ADAM8: variants seen among roughly 807,000 people sequenced by gnomAD.
The protein encoded by ADAM8 is ADAM metallopeptidase domain 8, also known as disintegrin and metalloproteinase domain-containing protein 8.
Under a neutral mutation model 102.4 loss-of-function variants are expected in ADAM8, and 104 were observed. That is an observed-to-expected ratio of 1.02 (90% CI 0.87 to 1.20). The LOEUF is 1.20. Ranked by LOEUF, ADAM8 falls within the 50% of genes most tolerant of loss-of-function variation. The pLI, the probability that ADAM8 is intolerant of heterozygous loss-of-function variation, is 0.00. For missense variants in ADAM8, 1,132 were observed against 1,159.0 expected (o/e 0.98, Z 0.34); for synonymous variants, 517 against 485.2 (o/e 1.07, Z -0.86).
intron 6 of ADAM8, 73 bp from the exon 7 acceptor site, chr10:133,273,092 GCCACTGTCCAGC>G: frequency 6.2e-7 from 1 of 1,606,924 alleles, no homozygotes; most frequent in Non-Finnish European, 8.5e-7. Flanking sequence ...GGGACCCGGG[GCCACTGTCCAGC>G]CCCTGTCCAG....
chr10:133,274,197 G>A lies in ADAM8; in HGVS notation c.189C>T (p.Ala63=), dbSNP rs1374643822. The A allele has an allele frequency of 3.8e-6, 6 of 1,588,024 alleles. No homozygotes were observed. The Admixed American group carries it at 5.2e-5, about 14-fold the overall frequency. ...HPERVSYVLG[A]TGHNFTLHLR... ...GGTGGAGGGTGAAGTTGTGCCCTGT[G>A]GCCCCAAGGACGTAGCTCACCCTCT... The change falls in exon 3 of 23, where the codon GCC becomes GCT. Residue 63 remains alanine, a synonymous_variant. Coordinates refer to ENST00000445355, the MANE Select transcript of ADAM8 (RefSeq NM_001109.5).
chr10:133,271,498 G>A, intron 12 of ADAM8, 30 bp downstream of exon 12: 1 of 1,530,214 alleles, frequency 6.5e-7, no homozygotes, highest in Non-Finnish European at 8.8e-7. Context: ...ACCCAGTGCT[G>A]ACGGGAGCAG....
In ADAM8 at chr10:133,272,189, T is replaced by C. The variant is rs1846553016; in HGVS notation, c.957+4A>G. ...CTGGCAAACCCGGGCAGGAGCCCCC[T>C]CACCTGGTTCACAGCCCCTGAGCTG... On this transcript the variant is annotated splice_donor_region_variant and intron_variant, in intron 10 of 22. Transcript: ENST00000445355. 6.5e-7 allele frequency: 1 copy of C among 1,549,706 alleles called. No individual in the cohort carries two copies. Among genetic ancestry groups the C allele is most frequent in the Non-Finnish European group, 8.7e-7 (1 of 1,146,656 alleles).
At chr10:133,265,513 C>T (rs371301077) in intron 21 of ADAM8, among the ~76,000 whole-genome samples, 2 of 151,994 alleles carry the variant, frequency 1.3e-5, no homozygotes, top group Non-Finnish European at 1.5e-5. Flanking sequence ...CTATTAGGGC[C>T]GGGCATGGTG....
At position 133,268,078 on chromosome 10, in the gene ADAM8, G is replaced by T; in HGVS notation, c.2104C>A (p.Leu702Met). 1 of 1,274,116 alleles carries T rather than the reference G, an allele frequency of 7.8e-7. No homozygotes were observed. The highest frequency in any genetic ancestry group is 3.0e-5 in the East Asian group (1 of 33,626). 78.9% of individuals were successfully genotyped at this position (1,274,116 alleles called of 1,614,324 possible). Residue 702 changes from leucine (L) to methionine (M), a missense_variant, in exon 20 of 23, where the codon CTG becomes ATG. Coordinates refer to ENST00000445355, the MANE Select transcript of ADAM8 (RefSeq NM_001109.5). ...PKTTMGRSNP[L>M]FHQAASRVPA... Reference sequence around the variant, plus strand: ...ACGCGGCTGGCAGCCTGGTGGAACAGGGGGTTGGAGCGCCCCATTGTGGTC... The same window carrying T: ...ACGCGGCTGGCAGCCTGGTGGAACATGGGGTTGGAGCGCCCCATTGTGGTC...
Position 133,272,674 on chromosome 10 carries a change from G to T in ADAM8, c.706-89C>A. 4.6e-6 allele frequency: 7 copies of T among 1,534,842 alleles called. No homozygotes were observed. The Admixed American group carries it at 1.1e-4, about 24-fold the overall frequency. ...GTGGCGGAGGATGCACCTGTCCCAC[G>T]GCGAGGTGGGGCCAGGCACAGGTGC... On this transcript the variant is annotated intron_variant, in intron 8 of 22. Coordinates refer to ENST00000445355, the MANE Select transcript of ADAM8 (RefSeq NM_001109.5).
intron 21 of ADAM8, among the ~76,000 whole-genome samples, chr10:133,267,092 G>A (rs1390102429): frequency 1.3e-5 from 2 of 152,128 alleles, no homozygotes; most frequent in African/African-American, 4.8e-5. Context: ...GGTGGGCGGA[G>A]CAGGTCTGAG....
chr10:133,271,047 G>A lies in ADAM8; in HGVS notation c.1398C>T (p.Cys466=), dbSNP rs1284217328. The change falls in exon 14 of 23, where the codon TGC becomes TGT. Residue 466 remains cysteine, a synonymous_variant. Coordinates refer to ENST00000445355, the MANE Select transcript of ADAM8 (RefSeq NM_001109.5). ...GGTCACACATGTCCTTCTTGGGACG[G>A]CACAGCTCACCAGCCGGCTTCACCT... ...ECKVKPAGEL[C]RPKKDMCDLE... The A allele has an allele frequency of 6.2e-7, 1 of 1,611,860 alleles. No homozygotes were observed. Among genetic ancestry groups the A allele is most frequent in the South Asian group, 1.1e-5 (1 of 91,072 alleles).
chr10:133,266,021 G>A (rs542651812), intron 21 of ADAM8, among the ~76,000 whole-genome samples: 1 of 152,262 alleles, frequency 6.6e-6, no homozygotes, highest in African/African-American at 2.4e-5. Flanking sequence ...AACATCCCCC[G>A]TGACCGAAGC....
chr10:133,273,123 G>T, intron 6 of ADAM8, 104 bp from the exon 7 acceptor site: 1 of 1,593,240 alleles, frequency 6.3e-7, no homozygotes, highest in African/African-American at 1.3e-5. Flanking sequence ...AGTGCTGGGG[G>T]AGCGTGGCCA....
At chr10:133,269,360 C>G (rs1846439765) in intron 18 of ADAM8, 85 bp downstream of exon 18, 1 of 1,367,452 alleles carries the variant, frequency 7.3e-7, no homozygotes, top group East Asian at 2.6e-5. Flanking sequence ...CACCAGCTTC[C>G]CGGGCCCGCG....
At position 133,269,479 on chromosome 10, in the gene ADAM8, G is replaced by C; in HGVS notation, c.1914C>G (p.Pro638=). 1 of 1,600,490 alleles carries C rather than the reference G, an allele frequency of 6.2e-7. No homozygotes were observed. Among genetic ancestry groups the C allele is most frequent in the Non-Finnish European group, 8.5e-7 (1 of 1,178,478 alleles). Residue 638 remains proline, a synonymous_variant, in exon 18 of 23, where the codon CCC becomes CCG. Transcript: ENST00000445355. ...ECHCHAGWAP[P]HCAKLLTEVH... is the part of the protein sequence containing the mutation. ...CCTCAGTCAGCAGCTTCGCGCAGTG[G>C]GGCGGGGCCCAGCCCGCGTGGCAGT...
chr10:133,270,543 G>C (rs554799892), intron 15 of ADAM8, 33 bp from the exon 16 acceptor site: 1 of 1,570,968 alleles, frequency 6.4e-7, no homozygotes, highest in South Asian at 1.1e-5. Flanking sequence ...GGGCCAGCTT[G>C]CCTGGGAGCA....
At chr10:133,268,567 C>T (rs572039869) in intron 19 of ADAM8, among the ~76,000 whole-genome samples, 181 bp downstream of exon 19, 7 of 152,228 alleles carry the variant, frequency 4.6e-5, no homozygotes, top group South Asian at 2.1e-4. Context: ...TGGCACTGGC[C>T]GAGTGGAGCC....
At position 133,268,606 on chromosome 10, in the gene ADAM8, C is replaced by T. The variant is rs564250757; in HGVS notation, c.2063+142G>A. 1.2e-4 allele frequency: 107 copies of T among 922,880 alleles called. No individual in the cohort carries two copies. The East Asian group carries it at 1.8e-3, about 15-fold the overall frequency. 57.2% of individuals were successfully genotyped at this position (922,880 alleles called of 1,614,324 possible). A position where few individuals can be genotyped will look rare whatever the true frequency, so the allele number is the denominator to read the frequency against. ...AAGGCCCTTCAAACTCAGCCCAAGC[C>T]GGGGGGCGTCATGACGTCGGGGCAC... On this transcript the variant is annotated intron_variant, in intron 19 of 22. Transcript: ENST00000445355.
chr10:133,263,711 C>T lies in ADAM8; in HGVS notation c.2374G>A (p.Ala792Thr), dbSNP rs1589798988. Residue 792 changes from alanine to threonine, a missense_variant, in exon 22 of 23, where the codon GCG (alanine) becomes ACG (threonine). Coordinates refer to ENST00000445355, the MANE Select transcript of ADAM8 (RefSeq NM_001109.5). ...ACCTCAGCTGGACCAGGGTTGGCCGCACCAGCCCCGGGTTTGACTGGGGGC... is the reference window on the plus strand; with the variant it reads ...ACCTCAGCTGGACCAGGGTTGGCCGTACCAGCCCCGGGTTTGACTGGGGGC... Reference protein sequence around the residue: ...PVPPVKPGAGAANPGPAEGAV... With the variant: ...PVPPVKPGAGTANPGPAEGAV... 2 of 1,568,350 alleles carry T rather than the reference C, an allele frequency of 1.3e-6. No homozygotes were observed. Among genetic ancestry groups the T allele is most frequent in the African/African-American group, 2.7e-5 (2 of 73,390 alleles).
chr10:133,271,343 A>G, intron 12 of ADAM8, 54 bp from the exon 13 acceptor site: 1 of 1,571,248 alleles, frequency 6.4e-7, no homozygotes, highest in Non-Finnish European at 8.6e-7. Context: ...GCTGGGCTCC[A>G]GGGCGGACCT....
At chr10:133,272,747 C>CA (rs974426460) in intron 8 of ADAM8, 51 bp downstream of exon 8, 5 of 1,563,864 alleles carry the variant, frequency 3.2e-6, no homozygotes, top group South Asian at 1.2e-5. Context: ...AACACCCCCC[C>CA]CACCTCCCGC....
intron 20 of ADAM8, among the ~76,000 whole-genome samples, chr10:133,267,637 C>T (rs1304971383): frequency 6.6e-6 from 1 of 152,242 alleles, no homozygotes; most frequent in Admixed American, 6.5e-5. Context: ...TCGACACTGT[C>T]CTCAGATGGG....
Sources: gnomAD v4.1 joint callset for allele counts (sites outside exome capture counted in the v4.1 genomes callset) on GRCh38, gnomAD v4.1.1 for gene constraint, MANE v1.5 for transcripts, NCBI Gene and HGNC (gene_info 2026-07-23, HGNC 2026-07-21) for gene names.